SPMIP2: variants seen among roughly 807,000 people sequenced by gnomAD.
SPMIP2 encodes the protein sperm microtubule inner protein 2.
At chr4:158,937,177 T>C in the SPMIP2 span, among the ~76,000 whole-genome samples, 2 of 152,222 alleles carry the variant, frequency 1.3e-5, no homozygotes, top group African/African-American at 4.8e-5. Context: ...TTGCAAAACA[T>C]TTCATCTTAA....
chr4:159,035,313 T>C, the SPMIP2 span: 1 of 480,926 alleles, frequency 2.1e-6, no homozygotes, highest in Non-Finnish European at 3.7e-6. Flanking sequence ...GATACTGCTA[T>C]AGTCTTCCCA....
At chr4:159,068,759 T>C in the SPMIP2 span, among the ~76,000 whole-genome samples, 1 of 151,684 alleles carries the variant, frequency 6.6e-6, no homozygotes, top group Non-Finnish European at 1.5e-5. Flanking sequence ...AAACTACCCA[T>C]AACTTGGAGA....
chr4:158,938,585 G>C, the SPMIP2 span, among the ~76,000 whole-genome samples: 1 of 152,170 alleles, frequency 6.6e-6, no homozygotes, highest in Non-Finnish European at 1.5e-5. Flanking sequence ...CCTTCCCCAA[G>C]CTCCAGAATG....
At chr4:159,075,293 C>T in the SPMIP2 span, among the ~76,000 whole-genome samples, 1 of 152,114 alleles carries the variant, frequency 6.6e-6, no homozygotes, top group East Asian at 1.9e-4. Flanking sequence ...ACCATGTAAC[C>T]GAATATTCAA....
chr4:158,913,581 T>C, the SPMIP2 span, among the ~76,000 whole-genome samples: 3 of 152,206 alleles, frequency 2.0e-5, no homozygotes, highest in African/African-American at 7.2e-5. Context: ...CAATGTTAAA[T>C]TTCCTGAATC....
chr4:158,893,511 T>C, the SPMIP2 span: 6 of 547,038 alleles, frequency 1.1e-5, no homozygotes, highest in Non-Finnish European at 2.0e-5. Flanking sequence ...ACAATATTAA[T>C]GGTTGCAAAG....
At chr4:158,928,878 G>A in the SPMIP2 span, among the ~76,000 whole-genome samples, 2 of 151,858 alleles carry the variant, frequency 1.3e-5, no homozygotes, top group African/African-American at 4.8e-5. Context: ...CACCGCGAAG[G>A]GCTGCAGCTT....
At chr4:158,997,411 A>G in the SPMIP2 span, among the ~76,000 whole-genome samples, 1 of 151,888 alleles carries the variant, frequency 6.6e-6, no homozygotes, top group Non-Finnish European at 1.5e-5. Context: ...TGTAATTTTA[A>G]TAGAGACAGG....
At chr4:158,977,600 CTTTTTTTTTT>C in the SPMIP2 span, among the ~76,000 whole-genome samples, 48 of 72,402 alleles carry the variant, frequency 6.6e-4, 1 homozygote, top group South Asian at 1.5e-3. Flanking sequence ...TCCTTCAGTT[CTTTTTTTTTT>C]TTTTTTTTTT....
At chr4:158,914,867 A>C in the SPMIP2 span, among the ~76,000 whole-genome samples, 1 of 152,146 alleles carries the variant, frequency 6.6e-6, no homozygotes, top group Non-Finnish European at 1.5e-5. Context: ...CCATTTCACA[A>C]ACGGTGCTTT....
At chr4:158,951,653 C>A in the SPMIP2 span, among the ~76,000 whole-genome samples, 3 of 152,180 alleles carry the variant, frequency 2.0e-5, no homozygotes, top group Admixed American at 6.5e-5. Flanking sequence ...CACACACACG[C>A]ACACACAAAT....
At chr4:158,918,376 G>T in the SPMIP2 span, among the ~76,000 whole-genome samples, 1 of 152,212 alleles carries the variant, frequency 6.6e-6, no homozygotes, top group African/African-American at 2.4e-5. Flanking sequence ...CAGATTAATA[G>T]CTGGAAATAA....
chr4:159,052,195 C>A, the SPMIP2 span, among the ~76,000 whole-genome samples: 5 of 152,256 alleles, frequency 3.3e-5, no homozygotes, highest in East Asian at 9.6e-4. Flanking sequence ...CTAGTTCGCA[C>A]AATGTTTTGA....
chr4:159,047,593 T>C, the SPMIP2 span, among the ~76,000 whole-genome samples: 26,543 of 152,180 alleles, frequency 0.17, 2,688 homozygotes, highest in African/African-American at 0.28. Flanking sequence ...TGTTGAGTCA[T>C]AGTCACATTG....
At chr4:158,922,903 CTTCA>C in the SPMIP2 span, among the ~76,000 whole-genome samples, 1 of 152,108 alleles carries the variant, frequency 6.6e-6, no homozygotes, top group African/African-American at 2.4e-5. Context: ...GTAGAATGTA[CTTCA>C]TTCCTTTTTA....
At chr4:158,928,451 T>TGGTG in the SPMIP2 span, among the ~76,000 whole-genome samples, 9 of 152,152 alleles carry the variant, frequency 5.9e-5, no homozygotes. Flanking sequence ...CTAGCTACTC[T>TGGTG]GGTGGGGCCT....
At chr4:159,018,384 C>T in the SPMIP2 span, among the ~76,000 whole-genome samples, 7 of 152,328 alleles carry the variant, frequency 4.6e-5, no homozygotes, top group African/African-American at 1.7e-4. Flanking sequence ...GAATCTAGGA[C>T]ATGTAGTCCA....
At chr4:158,994,767 A>G in the SPMIP2 span, among the ~76,000 whole-genome samples, 1 of 152,180 alleles carries the variant, frequency 6.6e-6, no homozygotes. Context: ...TATGAAATGA[A>G]CTCTAATGGG....
the SPMIP2 span, among the ~76,000 whole-genome samples, chr4:158,974,205 T>A: frequency 1.4e-5 from 2 of 140,190 alleles, no homozygotes; most frequent in Non-Finnish European, 3.1e-5. Context: ...CAGAAGTATT[T>A]GTATTTTAAA....
Sources: gnomAD v4.1 joint callset for allele counts (sites outside exome capture counted in the v4.1 genomes callset) on GRCh38, gnomAD v4.1.1 for gene constraint, MANE v1.5 for transcripts, NCBI Gene and HGNC (gene_info 2026-07-23, HGNC 2026-07-21) for gene names.